The following RAB21 variants were observed in gnomAD, a reference collection of about 807,000 sequenced individuals.
RAB21 encodes RAB21, member RAS oncogene family, also known as ras-related protein Rab-21.
RAB21 carries 13 observed loss-of-function variants against 33.1 expected under a neutral mutation model. The ratio of observed to expected loss-of-function variants is 0.39; its 90% confidence interval spans 0.26 to 0.62. The LOEUF is 0.62. Among genes scored for constraint, RAB21 ranks in the 20% least tolerant of loss-of-function variants. The pLI, the probability that RAB21 is intolerant of heterozygous loss-of-function variation, is 0.48. For synonymous variants in RAB21, 91 were observed against 103.7 expected, an observed-to-expected ratio of 0.88 and a Z score of 0.74; for missense variants, 234 against 279.1, an observed-to-expected ratio of 0.84 and a Z score of 1.15.
chr12:71,755,331 A>G (rs986933040), intron 1 of RAB21, 43 bp downstream of exon 1: 15 of 1,457,220 alleles, frequency 1.0e-5, no homozygotes, highest in Admixed American at 5.9e-5. Flanking sequence ...CAGGGCCCCT[A>G]CCCCTCCGGG....
chr12:71,760,598 A>G (rs1023910585), intron 1 of RAB21, among the ~76,000 whole-genome samples: 2 of 152,240 alleles, frequency 1.3e-5, no homozygotes, highest in African/African-American at 4.8e-5. Flanking sequence ...TGAGCAAGGT[A>G]CTTTAACTAT....
In RAB21 at chr12:71,759,775, A is replaced by G. The variant is rs533123979; in HGVS notation, c.159+4487A>G. ...CTGTGTTTCTGCAGTACTCAAATCT[A>G]TTAGGAGGCCATATAATGTGGTGAA... On this transcript the variant is annotated intron_variant, in intron 1 of 6. Coordinates refer to ENST00000261263, the MANE Select transcript of RAB21 (RefSeq NM_014999.4). 5.3e-5 allele frequency among the ~76,000 whole-genome samples: 8 copies of G among 152,320 alleles called. No individual in the cohort carries two copies. In the South Asian group the frequency reaches 8.3e-4, roughly 16 times the overall value.
At chr12:71,782,293 A>C (rs887935934) in intron 5 of RAB21, 2 of 567,668 alleles carry the variant, frequency 3.5e-6, no homozygotes, top group South Asian at 6.0e-5. Flanking sequence ...AATACGAGTG[A>C]TATAAAACAA....
intron 5 of RAB21, 109 bp from the exon 6 acceptor site, chr12:71,782,461 T>C: frequency 1.5e-6 from 1 of 671,532 alleles, no homozygotes; most frequent in Non-Finnish European, 2.4e-6. Context: ...TTAATTTCAC[T>C]AAACTTGAGT....
intron 1 of RAB21, among the ~76,000 whole-genome samples, chr12:71,767,212 G>A (rs898336256): frequency 1.3e-4 from 20 of 151,896 alleles, no homozygotes; most frequent in Admixed American, 7.9e-4. Context: ...TACCCTTTCC[G>A]TACAAGTGTT....
At chr12:71,771,110 GA>G (rs1883035889) in intron 3 of RAB21, among the ~76,000 whole-genome samples, 1 of 152,090 alleles carries the variant, frequency 6.6e-6, no homozygotes, top group African/African-American at 2.4e-5. Flanking sequence ...CCTTTATTGT[GA>G]AGAGGAAAAA....
chr12:71,769,896 TCTTC>T, intron 2 of RAB21, 37 bp downstream of exon 2: 1 of 1,164,756 alleles, frequency 8.6e-7, no homozygotes, highest in Non-Finnish European at 1.1e-6. Context: ...CGTGGAGGCT[TCTTC>T]CTTTTTTCTT....
intron 6 of RAB21, among the ~76,000 whole-genome samples, chr12:71,784,515 A>C (rs889274080): frequency 3.5e-5 from 5 of 144,560 alleles, no homozygotes; most frequent in African/African-American, 7.5e-5. Flanking sequence ...GTTAAGGTTG[A>C]TTTTTTTTTT....
At chr12:71,770,500 A>C in intron 2 of RAB21, 92 bp from the exon 3 acceptor site, 1 of 866,670 alleles carries the variant, frequency 1.2e-6, no homozygotes, top group South Asian at 1.4e-5. Flanking sequence ...ACTTTATGCC[A>C]TATTTTCCAA....
chr12:71,775,830 C>T (rs1459505542), intron 4 of RAB21, among the ~76,000 whole-genome samples: 3 of 147,796 alleles, frequency 2.0e-5, no homozygotes, highest in East Asian at 2.1e-4. Context: ...CCACTGCACC[C>T]GGCCAAGAAT....
intron 4 of RAB21, among the ~76,000 whole-genome samples, chr12:71,776,328 C>A (rs543283312): frequency 5.9e-5 from 9 of 151,908 alleles, no homozygotes; most frequent in African/African-American, 2.2e-4. Context: ...CAATGAAGTA[C>A]CTTTTATGTT....
At chr12:71,772,173 T>C (rs937334863) in intron 3 of RAB21, among the ~76,000 whole-genome samples, 2 of 152,192 alleles carry the variant, frequency 1.3e-5, no homozygotes, top group African/African-American at 4.8e-5. Context: ...GGAGTTTGGC[T>C]GGAGCTGGAA....
At chr12:71,785,223 G>A (rs1209691604) in intron 6 of RAB21, among the ~76,000 whole-genome samples, 1 of 152,150 alleles carries the variant, frequency 6.6e-6, no homozygotes, top group African/African-American at 2.4e-5. Flanking sequence ...AGTGTGTTTG[G>A]AAAATCTTAA....
At position 71,793,361 on chromosome 12, in the gene RAB21, GA is replaced by G. The variant is rs1265503542; in HGVS notation, c.*7691del. On this transcript the variant is annotated 3_prime_UTR_variant, in exon 7 of 7. Transcript: ENST00000261263. ...AGTGTGGGTCCCTTTTTTTCTATCT[GA>G]AATTGAAGATACAGGTCAGAAAGAT... is the stretch of plus-strand genomic sequence containing the variant. 2.6e-5 allele frequency: 4 copies of G among 152,048 alleles called. No individual in the cohort carries two copies. The highest frequency in any genetic ancestry group is 9.7e-5 in the African/African-American group (4 of 41,404). The allele number at this position is 152,048 out of a possible 1,614,324, so 9.4% of individuals were successfully genotyped here.
intron 1 of RAB21, among the ~76,000 whole-genome samples, chr12:71,763,118 C>CAG (rs915421774): frequency 6.6e-6 from 1 of 151,140 alleles, no homozygotes; most frequent in Non-Finnish European, 1.5e-5. Context: ...CACACACACA[C>CAG]ACACACACAC....
Position 71,790,103 on chromosome 12 carries a change from T to G in RAB21, c.*4430T>G, listed in dbSNP as rs562324096. On this transcript the variant is annotated 3_prime_UTR_variant, in exon 7 of 7. Coordinates refer to ENST00000261263, the MANE Select transcript of RAB21 (RefSeq NM_014999.4). ...AACCTTTCTACTGCAACATTTTCTC[T>G]TCAGTAGATATATGAGTAAACATGA... 1 of 152,314 alleles carries G rather than the reference T, an allele frequency of 6.6e-6. No individual in the cohort carries two copies. The highest frequency in any genetic ancestry group is 2.1e-4 in the South Asian group (1 of 4,834). 9.4% of individuals were successfully genotyped at this position (152,314 alleles called of 1,614,324 possible).
At chr12:71,777,145 C>T (rs959217877) in intron 4 of RAB21, among the ~76,000 whole-genome samples, 1 of 152,088 alleles carries the variant, frequency 6.6e-6, no homozygotes, top group Non-Finnish European at 1.5e-5. Flanking sequence ...GAAAATTGCA[C>T]GGTGTAAGCA....
rs77501679 is a variant in RAB21 at position 71,756,367 on chromosome 12, C to T, written c.159+1079C>T. Among the ~76,000 whole-genome samples the T allele has an allele frequency of 5.4e-3, 827 of 152,292 alleles. 9 individuals carry two copies. Among genetic ancestry groups the T allele is most frequent in the African/African-American group, 0.019 (786 of 41,572 alleles). ...GACCTGGTCCAGTGTAAGTTGTCTG[C>T]CTTTAATTACCGCCCCAACTTGCAC... On this transcript the variant is annotated intron_variant, in intron 1 of 6. Coordinates refer to ENST00000261263, the MANE Select transcript of RAB21 (RefSeq NM_014999.4).
At chr12:71,766,359 A>G (rs74544711) in intron 1 of RAB21, among the ~76,000 whole-genome samples, 3,684 of 152,220 alleles carry the variant, frequency 0.024, 165 homozygotes, top group African/African-American at 0.084. Context: ...TGGGATTTCA[A>G]GTGGCACTGT....
Sources: allele counts gnomAD v4.1 joint callset (sites outside exome capture counted in the v4.1 genomes callset), GRCh38; gene constraint gnomAD v4.1.1; transcripts MANE v1.5; gene names NCBI Gene and HGNC (gene_info 2026-07-23, HGNC 2026-07-21).